OGDH: variants seen among roughly 807,000 people sequenced by gnomAD.
OGDH encodes oxoglutarate dehydrogenase, also known as 2-oxoglutarate dehydrogenase complex component E1.
Under a neutral mutation model 116.6 loss-of-function variants are expected in OGDH, and 38 were observed. The observed-to-expected ratio is 0.33, with a 90% CI of 0.25 to 0.43. The LOEUF is 0.43. OGDH is among the 20% of genes least tolerant of loss of function. OGDH has a pLI of 1.00. For synonymous variants in OGDH, 488 were observed against 533.3 expected (o/e 0.92, Z 1.17); for missense variants, 825 against 1,357.2 (o/e 0.61, Z 6.16).
chr7:44,694,283 C>A lies in OGDH; in HGVS notation c.1516-141C>A. ...AGGAGAGATACACAGAATCCTAATTCTAGAGAAGGTAAACTCCAGGGCAGG... is the reference window on the plus strand; with the variant it reads ...AGGAGAGATACACAGAATCCTAATTATAGAGAAGGTAAACTCCAGGGCAGG... On this transcript the variant is annotated intron_variant, in intron 11 of 22. Transcript: ENST00000222673. The surrounding 1 kb of genome is among the most constrained non-coding windows in gnomAD (Gnocchi z 4.2). 9.3e-7 allele frequency: 1 copy of A among 1,069,970 alleles called. No homozygotes were observed. The highest frequency in any genetic ancestry group is 1.3e-6 in the Non-Finnish European group (1 of 752,472). The allele number at this position is 1,069,970 out of a possible 1,614,324, so 66.3% of individuals were successfully genotyped here.
intron 1 of OGDH, among the ~76,000 whole-genome samples, chr7:44,612,513 A>T (rs749858994): frequency 6.6e-6 from 1 of 151,580 alleles, no homozygotes; most frequent in Non-Finnish European, 1.5e-5. Context: ...ACCCCCGAGT[A>T]GGTGGGACTA....
intron 4 of OGDH, 55 bp downstream of exon 4, chr7:44,647,814 G>A (rs1013594702): frequency 3.7e-6 from 5 of 1,355,292 alleles, no homozygotes; most frequent in Non-Finnish European, 4.2e-6. Flanking sequence ...GCTGTGCCAC[G>A]ACCTGTGGTA....
chr7:44,658,210 C>T, intron 4 of OGDH, among the ~76,000 whole-genome samples: 1 of 151,842 alleles, frequency 6.6e-6, no homozygotes, highest in Non-Finnish European at 1.5e-5. Context: ...TACATTTTTA[C>T]CATGTTGTCT....
In OGDH at chr7:44,634,824, C is replaced by G. The variant is rs115306802; in HGVS notation, c.222+10259C>G. 4.6e-3 allele frequency among the ~76,000 whole-genome samples: 704 copies of G among 152,312 alleles called. 6 individuals carry two copies. Among genetic ancestry groups the G allele is most frequent in the African/African-American group, 0.016 (659 of 41,564 alleles). On this transcript the variant is annotated intron_variant, in intron 2 of 22. Transcript: ENST00000222673. ...TTGATGGAGGGTCCAGAGTCCAGCT[C>G]TACCATCTGCACATTTTCTTTGGAG...
chr7:44,692,226 T>C (rs552006472), intron 10 of OGDH, among the ~76,000 whole-genome samples: 1 of 152,232 alleles, frequency 6.6e-6, no homozygotes, highest in African/African-American at 2.4e-5. Context: ...ACAGCAACAT[T>C]GTGTTTACCA....
At chr7:44,624,288 CTTGTT>C (rs1785113933) in intron 1 of OGDH, 24 bp from the exon 2 acceptor site, 2 of 1,157,284 alleles carry the variant, frequency 1.7e-6, no homozygotes, top group African/African-American at 3.8e-5. Flanking sequence ...ACCTTTCTTT[CTTGTT>C]TTTTTTTTTT....
At chr7:44,644,855 G>C (rs1786098604) in intron 2 of OGDH, among the ~76,000 whole-genome samples, 1 of 152,168 alleles carries the variant, frequency 6.6e-6, no homozygotes, top group African/African-American at 2.4e-5. Flanking sequence ...GTGTTTGATG[G>C]GGTGTTTGAT....
At chr7:44,662,126 T>C (rs1384145168) in intron 4 of OGDH, among the ~76,000 whole-genome samples, 2 of 152,200 alleles carry the variant, frequency 1.3e-5, no homozygotes, top group Non-Finnish European at 2.9e-5. Context: ...AGTTATAAGT[T>C]TGCTTCAACC....
intron 20 of OGDH, among the ~76,000 whole-genome samples, chr7:44,705,618 A>G (rs1055802741): frequency 1.3e-5 from 2 of 152,070 alleles, no homozygotes; most frequent in African/African-American, 4.8e-5. Context: ...AGCTCACTGC[A>G]GCCTCAATTC....
chr7:44,625,186 G>A (rs1344763409), intron 2 of OGDH, among the ~76,000 whole-genome samples: 4 of 152,008 alleles, frequency 2.6e-5, no homozygotes, highest in African/African-American at 4.8e-5. Flanking sequence ...GTGCAGTGGC[G>A]GGATCTCGGC....
chr7:44,691,581 C>G (rs1347184687), intron 10 of OGDH, among the ~76,000 whole-genome samples: 2 of 149,568 alleles, frequency 1.3e-5, no homozygotes. Context: ...TGCGCTACCA[C>G]AAAGTTAGGA....
intron 4 of OGDH, among the ~76,000 whole-genome samples, chr7:44,654,323 T>A (rs935793051): frequency 1.3e-5 from 2 of 152,210 alleles, no homozygotes; most frequent in Non-Finnish European, 2.9e-5. Context: ...AAAAAGTCAA[T>A]TTAAAAGTTG....
Position 44,707,875 on chromosome 7 carries a change from T to C in OGDH, c.2952-4T>C, listed in dbSNP as rs767276685. The C allele has an allele frequency of 3.1e-6, 5 of 1,612,154 alleles. No individual in the cohort carries two copies. The South Asian group carries it at 5.5e-5, about 18-fold the overall frequency. On this transcript the variant is annotated splice_region_variant and splice_polypyrimidine_tract_variant and intron_variant, in intron 22 of 22. Transcript: ENST00000222673. This position sits in a 1 kb window ranked among gnomAD's most constrained non-coding sequence, Gnocchi z 5.2. ...CCTCACTGCCCCCTCCCTCCATCTC[T>C]CAGGTATGCCGGCCGGGACCCAGCG...
At position 44,697,033 on chromosome 7, in the gene OGDH, A is replaced by G; in HGVS notation, c.2020A>G (p.Ser674Gly). The G allele has an allele frequency of 1.2e-6, 2 of 1,614,156 alleles. No individual in the cohort carries two copies. Among genetic ancestry groups the G allele is most frequent in the South Asian group, 2.2e-5 (2 of 91,082 alleles). The change falls in exon 15 of 23, where the codon AGC becomes GGC. Residue 674 changes from serine to glycine, a missense_variant. Physicochemically the swap from Ser to Gly is moderately conservative, Grantham distance 56. Transcript: ENST00000222673. This position sits in a 1 kb window ranked among gnomAD's most constrained non-coding sequence, Gnocchi z 6.0. ...GAAGGAGGGCATCCACATTCGGCTGAGCGGCCAGGACGTGGAGCGGGGCAC... is the reference window on the plus strand; with the variant it reads ...GAAGGAGGGCATCCACATTCGGCTGGGCGGCCAGGACGTGGAGCGGGGCAC... ...LLKEGIHIRL[S>G]GQDVERGTFS... is the part of the protein sequence containing the mutation.
At chr7:44,695,067 G>A (rs575704225) in intron 12 of OGDH, among the ~76,000 whole-genome samples, 1 of 152,252 alleles carries the variant, frequency 6.6e-6, no homozygotes, top group African/African-American at 2.4e-5. Flanking sequence ...CTATGCTGGA[G>A]ACAGAGCTTT....
At chr7:44,674,857 G>A (rs111931201) in intron 7 of OGDH, 2 of 533,320 alleles carry the variant, frequency 3.8e-6, no homozygotes, top group Non-Finnish European at 3.4e-6. Context: ...CTAACCTGGA[G>A]GGAAGGCTGC....
At chr7:44,660,420 C>T (rs1786883523) in intron 4 of OGDH, among the ~76,000 whole-genome samples, 1 of 151,928 alleles carries the variant, frequency 6.6e-6, no homozygotes, top group Non-Finnish European at 1.5e-5. Context: ...ATTTAGTTTC[C>T]AAGTGTTTGG....
rs1363841677 is a variant in OGDH at position 44,707,746 on chromosome 7, C to T, written c.2951+10C>T. 6.2e-7 allele frequency: 1 copy of T among 1,613,956 alleles called. No homozygotes were observed. Among genetic ancestry groups the T allele is most frequent in the Admixed American group, 1.7e-5 (1 of 60,004 alleles). On this transcript the variant is annotated intron_variant, in intron 22 of 22. Transcript: ENST00000222673. This position sits in a 1 kb window ranked among gnomAD's most constrained non-coding sequence, Gnocchi z 5.2. ...GCGCCAAGCCCGTCTGGTAAGGCTT[C>T]AGTCCCTGCCAGGAAGGCTGTGGGA... is the stretch of plus-strand genomic sequence containing the variant.
intron 4 of OGDH, among the ~76,000 whole-genome samples, chr7:44,662,821 T>C (rs1268955302): frequency 1.3e-5 from 2 of 152,206 alleles, no homozygotes; most frequent in African/African-American, 2.4e-5. Flanking sequence ...TTTGAATTGT[T>C]TTCCCTATAG....
Sources: gnomAD v4.1 joint callset for allele counts (sites outside exome capture counted in the v4.1 genomes callset) on GRCh38, gnomAD v4.1.1 for gene constraint, Gnocchi (gnomAD v3.1) non-coding constraint, MANE v1.5 for transcripts, NCBI Gene and HGNC (gene_info 2026-07-23, HGNC 2026-07-21) for gene names.